The following PIK3R5 variants were observed in gnomAD, a reference collection of about 807,000 sequenced individuals.
PIK3R5 encodes the protein phosphoinositide 3-kinase regulatory subunit 5.
In PIK3R5, 32 loss-of-function variants were observed where a neutral mutation model predicts 94.9. That is an observed-to-expected ratio of 0.34 (90% CI 0.25 to 0.45). The LOEUF is 0.45. Among genes scored for constraint, PIK3R5 ranks in the 20% least tolerant of loss-of-function variants. The pLI, the probability that PIK3R5 is intolerant of heterozygous loss-of-function variation, is 1.00. For synonymous variants in PIK3R5, 443 were observed against 479.4 expected (o/e 0.92, Z 0.99); for missense variants, 853 against 1,144.6 (o/e 0.75, Z 3.68).
chr17:8,887,833 G>C (rs1181626237), intron 10 of PIK3R5, 150 bp from the exon 11 acceptor site: 50 of 479,468 alleles, frequency 1.0e-4, no homozygotes, highest in South Asian at 5.7e-4. Context: ...TCTCTACTAA[G>C]ACAAAAAAAA....
chr17:8,962,603 G>A (rs1249349074), intron 1 of PIK3R5, among the ~76,000 whole-genome samples: 1 of 152,182 alleles, frequency 6.6e-6, no homozygotes, highest in Non-Finnish European at 1.5e-5. Context: ...GTATTTAATA[G>A]AATCTAAGAT....
intron 2 of PIK3R5, among the ~76,000 whole-genome samples, chr17:8,910,684 C>A (rs2090505171): frequency 6.6e-6 from 1 of 152,110 alleles, no homozygotes; most frequent in Non-Finnish European, 1.5e-5. Context: ...TGAGCTGAGA[C>A]CTGGATGAGA....
intron 1 of PIK3R5, among the ~76,000 whole-genome samples, chr17:8,958,861 G>A (rs528781660): frequency 2.0e-5 from 3 of 151,068 alleles, no homozygotes; most frequent in African/African-American, 7.3e-5. Context: ...GTGTTCAATC[G>A]ATTCTCTTGC....
intron 1 of PIK3R5, among the ~76,000 whole-genome samples, chr17:8,933,513 T>A (rs900166870): frequency 1.3e-5 from 2 of 152,128 alleles, no homozygotes; most frequent in African/African-American, 2.4e-5. Flanking sequence ...AATTCCTTCA[T>A]AAAATAGAGG....
intron 1 of PIK3R5, among the ~76,000 whole-genome samples, chr17:8,926,748 GAC>G (rs2090891627): frequency 6.6e-6 from 1 of 152,130 alleles, no homozygotes; most frequent in African/African-American, 2.4e-5. Flanking sequence ...TTTGGGTGGG[GAC>G]ACGGAGCCAA....
intron 1 of PIK3R5, among the ~76,000 whole-genome samples, chr17:8,962,609 A>C (rs992808037): frequency 6.6e-6 from 1 of 152,230 alleles, no homozygotes; most frequent in African/African-American, 2.4e-5. Flanking sequence ...AATAGAATCT[A>C]AGATGCCATC....
chr17:8,920,078 T>C (rs1472347256), intron 1 of PIK3R5, among the ~76,000 whole-genome samples: 1 of 151,876 alleles, frequency 6.6e-6, no homozygotes, highest in Non-Finnish European at 1.5e-5. Flanking sequence ...GAGACAGGGT[T>C]TCACCATGGT....
chr17:8,939,851 C>T (rs1157786485), intron 1 of PIK3R5, among the ~76,000 whole-genome samples: 1 of 152,138 alleles, frequency 6.6e-6, no homozygotes, highest in Admixed American at 6.5e-5. Flanking sequence ...TTCTGGAGTC[C>T]TGGTGTGAGA....
chr17:8,914,105 G>A (rs552070413), intron 1 of PIK3R5, among the ~76,000 whole-genome samples: 17 of 152,304 alleles, frequency 1.1e-4, no homozygotes, highest in African/African-American at 3.8e-4. Flanking sequence ...TCACATGGAT[G>A]AGCCTGGGGC....
chr17:8,889,214 T>G lies in PIK3R5; in HGVS notation c.820A>C (p.Lys274Gln), dbSNP rs1290140719. The G allele has an allele frequency of 6.2e-7, 1 of 1,613,524 alleles. No homozygotes were observed. Among genetic ancestry groups the G allele is most frequent in the African/African-American group, 1.3e-5 (1 of 74,966 alleles). Residue 274 changes from lysine (K) to glutamine (Q), a missense_variant, in exon 9 of 19, where the codon AAA (lysine) becomes CAA (glutamine). Lys to Gln is a moderately conservative substitution (Grantham distance 53). This residue lies in a region of PIK3R5 where 161 missense variants were observed against 249.5 expected (regional missense o/e 0.65). Transcript: ENST00000447110. The surrounding 1 kb of genome is among the most constrained non-coding windows in gnomAD (Gnocchi z 4.1). ...GGGATGGTGTGGAGCTTCCCTGGTTTTGCAGTGTCTGTAAGAACAGGGAGG... is the reference window on the plus strand; with the variant it reads ...GGGATGGTGTGGAGCTTCCCTGGTTGTGCAGTGTCTGTAAGAACAGGGAGG... ...AGFPGVLDTA[K>Q]PGKLHTIPIP... is the part of the protein sequence containing the mutation.
intron 5 of PIK3R5, among the ~76,000 whole-genome samples, chr17:8,902,258 T>C (rs1446247975): frequency 4.9e-5 from 7 of 141,854 alleles, no homozygotes; most frequent in Non-Finnish European, 9.2e-5. Flanking sequence ...AATTTTTTTT[T>C]TTTTTTTTTT....
chr17:8,912,169 T>G (rs1203833670), intron 1 of PIK3R5, among the ~76,000 whole-genome samples: 1 of 152,204 alleles, frequency 6.6e-6, no homozygotes, highest in Non-Finnish European at 1.5e-5. Flanking sequence ...GGTGCTTAGC[T>G]GAGCTGGAAA....
At chr17:8,913,671 C>T (rs992699838) in intron 1 of PIK3R5, among the ~76,000 whole-genome samples, 6 of 152,302 alleles carry the variant, frequency 3.9e-5, no homozygotes, top group East Asian at 3.9e-4. Flanking sequence ...GAGATCACAC[C>T]GCTGCACCCC....
chr17:8,930,274 C>T (rs72844606), intron 1 of PIK3R5, among the ~76,000 whole-genome samples: 7,883 of 152,116 alleles, frequency 0.052, 257 homozygotes, highest in Non-Finnish European at 0.066. Flanking sequence ...ATCAAACTAG[C>T]AATCAATAAT....
At chr17:8,963,952 A>G (rs2091612880) in intron 1 of PIK3R5, among the ~76,000 whole-genome samples, 1 of 152,004 alleles carries the variant, frequency 6.6e-6, no homozygotes, top group African/African-American at 2.4e-5. Context: ...ACCATCCAAA[A>G]CTGTCTTCTT....
At position 8,920,104 on chromosome 17, in the gene PIK3R5, G is replaced by A. The variant is rs573295521; in HGVS notation, c.-13-8597C>T. Among the ~76,000 whole-genome samples, 175 of 151,898 alleles carry A rather than the reference G, an allele frequency of 1.2e-3. 2 individuals are homozygous for A. The highest frequency in any genetic ancestry group is 4.2e-3 in the African/African-American group (172 of 41,440). On this transcript the variant is annotated intron_variant, in intron 1 of 18. Coordinates refer to ENST00000447110, the MANE Select transcript of PIK3R5 (RefSeq NM_001142633.3). ...TCACCATGGTGGCCAGGTTGATCTCGAACTCCTGACCTCAAGTGATCCACC... is the reference window on the plus strand; with the variant it reads ...TCACCATGGTGGCCAGGTTGATCTCAAACTCCTGACCTCAAGTGATCCACC...
intron 1 of PIK3R5, among the ~76,000 whole-genome samples, chr17:8,950,029 G>A (rs2151470705): frequency 6.6e-6 from 1 of 152,272 alleles, no homozygotes; most frequent in East Asian, 1.9e-4. Flanking sequence ...AAAGATCCAG[G>A]AACCACCAGC....
At chr17:8,906,845 A>G (rs1435450053) in intron 3 of PIK3R5, among the ~76,000 whole-genome samples, 1 of 152,174 alleles carries the variant, frequency 6.6e-6, no homozygotes, top group African/African-American at 2.4e-5. Flanking sequence ...CACCTGCTAT[A>G]TGGTGTCAGT....
chr17:8,886,133 T>A, intron 14 of PIK3R5, 96 bp downstream of exon 14: 4 of 858,754 alleles, frequency 4.7e-6, no homozygotes, highest in Non-Finnish European at 5.5e-6. Context: ...CACCTTCCCA[T>A]GGCCCCACCT....
Sources: allele counts gnomAD v4.1 joint callset (sites outside exome capture counted in the v4.1 genomes callset), GRCh38; gene constraint gnomAD v4.1.1; regional missense constraint gnomAD v4.1.1; non-coding constraint Gnocchi (gnomAD v3.1); transcripts MANE v1.5; gene names NCBI Gene and HGNC (gene_info 2026-07-23, HGNC 2026-07-21).